Variants in NR2C2 observed in about 807,000 individuals in gnomAD.
NR2C2 encodes the protein nuclear receptor subfamily 2 group C member 2.
NR2C2 carries 6 observed loss-of-function variants against 62.9 expected under a neutral mutation model. The ratio of observed to expected loss-of-function variants is 0.10; its 90% confidence interval spans 0.05 to 0.19. NR2C2 has a LOEUF of 0.19. Among genes scored for constraint, NR2C2 ranks in the 10% least tolerant of loss-of-function variants. NR2C2 has a pLI of 1.00. For synonymous variants in NR2C2, 272 were observed against 273.8 expected, an observed-to-expected ratio of 0.99 and a Z score of 0.07; for missense variants, 479 against 762.7, an observed-to-expected ratio of 0.63 and a Z score of 4.38.
rs551313403 is a variant in NR2C2 at position 15,044,467 on chromosome 3, G to T, written c.*1459G>T. ...AGCAAGAACAGTATGCGCTTAAAAG[G>T]AAGTTATGTCTAACTTCAAACACCC... is the stretch of plus-strand genomic sequence containing the variant. On this transcript the variant is annotated 3_prime_UTR_variant, in exon 14 of 14. Transcript: ENST00000425241. 7.2e-5 allele frequency: 11 copies of T among 152,290 alleles called. No individual in the cohort carries two copies. The highest frequency in any genetic ancestry group is 2.4e-4 in the African/African-American group (10 of 41,550). 9.4% of individuals were successfully genotyped at this position (152,290 alleles called of 1,614,324 possible). A position where few individuals can be genotyped will look rare whatever the true frequency, so the allele number is the denominator to read the frequency against.
Position 15,043,309 on chromosome 3 carries a change from C to A in NR2C2, c.*301C>A. 5.0e-6 allele frequency: 1 copy of A among 201,516 alleles called. No homozygotes were observed. Among genetic ancestry groups the A allele is most frequent in the African/African-American group, 2.3e-5 (1 of 43,304 alleles). The allele number at this position is 201,516 out of a possible 1,614,324, so 12.5% of individuals were successfully genotyped here. ...AACAAAAAAAAAGGTTTTATAATGT[C>A]AGAGACTAGTATTAAAGAAAACTGA... On this transcript the variant is annotated 3_prime_UTR_variant, in exon 14 of 14. Transcript: ENST00000425241.
chr3:15,039,344 C>T, intron 13 of NR2C2, 117 bp downstream of exon 13: 1 of 686,438 alleles, frequency 1.5e-6, no homozygotes. Flanking sequence ...ATAGAGCCTC[C>T]ATTGGATCAC....
At chr3:14,950,496 CT>C (rs1435702329) in intron 1 of NR2C2, among the ~76,000 whole-genome samples, 1 of 151,404 alleles carries the variant, frequency 6.6e-6, no homozygotes, top group Non-Finnish European at 1.5e-5. Context: ...CTACCTTCAA[CT>C]TCCTTGACCA....
intron 1 of NR2C2, among the ~76,000 whole-genome samples, chr3:14,961,516 T>G (rs1010347715): frequency 1.3e-5 from 2 of 152,198 alleles, no homozygotes; most frequent in African/African-American, 4.8e-5. Context: ...ACCTATACAG[T>G]CAATAGTGAA....
At chr3:15,003,359 C>T (rs949621643) in intron 1 of NR2C2, among the ~76,000 whole-genome samples, 18 of 152,168 alleles carry the variant, frequency 1.2e-4, no homozygotes, top group African/African-American at 4.3e-4. Context: ...AAATTTCAGA[C>T]CCTGTGGTCC....
At position 15,039,103 on chromosome 3, in the gene NR2C2, G is replaced by C. The variant is rs1334117776; in HGVS notation, c.1511-19G>C. 6 of 1,577,352 alleles carry C rather than the reference G, an allele frequency of 3.8e-6. No individual in the cohort carries two copies. The highest frequency in any genetic ancestry group is 5.2e-6 in the Non-Finnish European group (6 of 1,148,006). On this transcript the variant is annotated intron_variant, in intron 12 of 13. Transcript: ENST00000425241. ...TCAAATACAGAGGGAACTGGGGGGG[G>C]GTACTTTTCTGTTTTCAGATCATCC...
intron 7 of NR2C2, among the ~76,000 whole-genome samples, chr3:15,027,371 A>G (rs2041853685): frequency 6.6e-6 from 1 of 152,202 alleles, no homozygotes; most frequent in South Asian, 2.1e-4. Context: ...TTTGTGTTGT[A>G]CCACTTTACA....
At chr3:15,009,629 T>C (rs938251877) in intron 2 of NR2C2, among the ~76,000 whole-genome samples, 1 of 152,220 alleles carries the variant, frequency 6.6e-6, no homozygotes, top group African/African-American at 2.4e-5. Context: ...CAGTTTGTTA[T>C]AGTTTACAGA....
In NR2C2 at chr3:15,039,054, T is replaced by C; in HGVS notation, c.1511-68T>C. 6 of 1,130,974 alleles carry C rather than the reference T, an allele frequency of 5.3e-6. No individual in the cohort carries two copies. In the South Asian group the frequency reaches 7.5e-5, roughly 14 times the overall value. The allele number at this position is 1,130,974 out of a possible 1,614,324, so 70.1% of individuals were successfully genotyped here. A position where few individuals can be genotyped will look rare whatever the true frequency, so the allele number is the denominator to read the frequency against. Reference sequence around the variant, plus strand: ...TTTGCAGAAGTTTGACTAAAAGTACTAAGAAGTCTACAAGTGAGACTTTTC... The same window carrying C: ...TTTGCAGAAGTTTGACTAAAAGTACCAAGAAGTCTACAAGTGAGACTTTTC... On this transcript the variant is annotated intron_variant, in intron 12 of 13. Coordinates refer to ENST00000425241, the MANE Select transcript of NR2C2 (RefSeq NM_001291694.2).
chr3:15,013,039 C>G (rs921252232), intron 2 of NR2C2, among the ~76,000 whole-genome samples: 1 of 152,172 alleles, frequency 6.6e-6, no homozygotes, highest in South Asian at 2.1e-4. Context: ...GATGTAGTCT[C>G]TATCCTTAAA....
At chr3:15,037,179 TTTGTTTTTTGTTGTGTTA>T (rs1190287445) in intron 11 of NR2C2, among the ~76,000 whole-genome samples, 1 of 151,682 alleles carries the variant, frequency 6.6e-6, no homozygotes, top group Admixed American at 6.6e-5. Flanking sequence ...GAGCTTTAGT[TTTGTTTTTTGTTGTGTTA>T]TTGTTTTTTG....
At chr3:14,948,771 G>C (rs111433869) in intron 1 of NR2C2, 3 of 152,418 alleles carry the variant, frequency 2.0e-5, no homozygotes, top group African/African-American at 7.2e-5. Flanking sequence ...CGTGGGAAGA[G>C]GTTTTCGGAA....
intron 11 of NR2C2, 112 bp downstream of exon 11, chr3:15,034,921 A>T (rs1359980802): frequency 4.3e-6 from 5 of 1,153,912 alleles, no homozygotes; most frequent in Admixed American, 2.9e-5. Flanking sequence ...TTGTTGACCC[A>T]GGCTGGCAAC....
At chr3:15,024,935 G>A (rs1429513187) in intron 7 of NR2C2, among the ~76,000 whole-genome samples, 1 of 152,206 alleles carries the variant, frequency 6.6e-6, no homozygotes, top group African/African-American at 2.4e-5. Context: ...TCATTCATGG[G>A]TGTACTCAGG....
In NR2C2 at chr3:15,044,087, G is replaced by A. The variant is rs2042366775; in HGVS notation, c.*1079G>A. On this transcript the variant is annotated 3_prime_UTR_variant, in exon 14 of 14. Coordinates refer to ENST00000425241, the MANE Select transcript of NR2C2 (RefSeq NM_001291694.2). ...TCCACTCCAAATGCCCCCTTGAAAA[G>A]GGCTCGTGTTTCTGCAGCTCCATCA... 1 of 152,194 alleles carries A rather than the reference G, an allele frequency of 6.6e-6. No homozygotes were observed. The highest frequency in any genetic ancestry group is 1.5e-5 in the Non-Finnish European group (1 of 68,062). The allele number at this position is 152,194 out of a possible 1,614,324, so 9.4% of individuals were successfully genotyped here. A position where few individuals can be genotyped will look rare whatever the true frequency, so the allele number is the denominator to read the frequency against.
chr3:14,993,464 A>G (rs572756456), intron 1 of NR2C2, among the ~76,000 whole-genome samples: 1 of 152,274 alleles, frequency 6.6e-6, no homozygotes, highest in East Asian at 1.9e-4. Flanking sequence ...CAAAAAAAAA[A>G]AAAAGAAATG....
intron 1 of NR2C2, among the ~76,000 whole-genome samples, chr3:15,003,087 AG>A (rs1352839234): frequency 6.7e-6 from 1 of 149,932 alleles, no homozygotes; most frequent in Non-Finnish European, 1.5e-5. Context: ...CTGGGATTAC[AG>A]GTGCGCACCA....
intron 1 of NR2C2, among the ~76,000 whole-genome samples, chr3:14,984,013 C>T (rs565454509): frequency 1.6e-4 from 24 of 152,148 alleles, no homozygotes; most frequent in African/African-American, 4.3e-4. Flanking sequence ...CTCAGCCTCC[C>T]GAGTAGCTGG....
intron 1 of NR2C2, among the ~76,000 whole-genome samples, chr3:14,952,984 C>T (rs377212363): frequency 3.3e-5 from 5 of 152,188 alleles, no homozygotes; most frequent in South Asian, 2.1e-4. Flanking sequence ...AGGGCATTGG[C>T]GTAGGCATTT....
Sources: allele counts gnomAD v4.1 joint callset (sites outside exome capture counted in the v4.1 genomes callset), GRCh38; gene constraint gnomAD v4.1.1; transcripts MANE v1.5; gene names NCBI Gene and HGNC (gene_info 2026-07-23, HGNC 2026-07-21).